Variants in RALGPS1 observed in about 807,000 individuals in gnomAD.
RALGPS1 encodes the protein Ral GEF with PH domain and SH3 binding motif 1.
Under a neutral mutation model 78.8 loss-of-function variants are expected in RALGPS1, and 19 were observed. The observed-to-expected ratio is 0.24, with a 90% CI of 0.17 to 0.35. The LOEUF (loss-of-function observed/expected upper bound fraction) is 0.35. RALGPS1 is among the 10% of genes least tolerant of loss of function. The probability of loss-of-function intolerance (pLI) is 1.00; values close to 1 mark genes in which losing one functional copy is unlikely to be tolerated. For synonymous variants in RALGPS1, 228 were observed against 256.3 expected (o/e 0.89, Z 1.06); for missense variants, 454 against 688.3 (o/e 0.66, Z 3.81).
rs1160703709 is a variant in RALGPS1 at position 127,091,691 on chromosome 9, T to C, written c.610+22335T>C. On this transcript the variant is annotated intron_variant, in intron 8 of 18. Transcript: ENST00000259351. This position sits in a 1 kb window ranked among gnomAD's most constrained non-coding sequence, Gnocchi z 4.3. ...CTACCTGTGTAGACATCATGATCTC[T>C]GTCCAGGGTGGTGAACTGCTTGCCG... 1 of 1,613,918 alleles carries C rather than the reference T, an allele frequency of 6.2e-7. No individual in the cohort carries two copies. The highest frequency in any genetic ancestry group is 2.2e-5 in the East Asian group (1 of 44,880).
At chr9:127,059,501 T>A (rs1183776682) in intron 7 of RALGPS1, among the ~76,000 whole-genome samples, 2 of 152,180 alleles carry the variant, frequency 1.3e-5, no homozygotes, top group Non-Finnish European at 2.9e-5. Flanking sequence ...AAAAATCTCT[T>A]TTCCCTTGGC....
Position 127,218,235 on chromosome 9 carries a change from C to A in RALGPS1, c.1645-505C>A, listed in dbSNP as rs992439900. ...CTAGGATCTTGTCCTGAGGGCAGAG[C>A]TGTGGGAAGGTCTTGGGGTTTCTGA... is the stretch of plus-strand genomic sequence containing the variant. On this transcript the variant is annotated intron_variant, in intron 18 of 18. Coordinates refer to ENST00000259351, the MANE Select transcript of RALGPS1 (RefSeq NM_014636.3). This position sits in a 1 kb window ranked among gnomAD's most constrained non-coding sequence, Gnocchi z 4.4. Among the ~76,000 whole-genome samples the A allele has an allele frequency of 6.6e-6, 1 of 152,276 alleles. No individual in the cohort carries two copies. The highest frequency in any genetic ancestry group is 2.4e-5 in the African/African-American group (1 of 41,558).
intron 4 of RALGPS1, among the ~76,000 whole-genome samples, chr9:127,025,309 C>G (rs2045874029): frequency 6.6e-6 from 1 of 152,110 alleles, no homozygotes; most frequent in African/African-American, 2.4e-5. Context: ...TGGTGGAAAT[C>G]CGGGTTGTTT....
chr9:127,092,920 G>A (rs2136460346), intron 8 of RALGPS1, among the ~76,000 whole-genome samples: 1 of 152,274 alleles, frequency 6.6e-6, no homozygotes, highest in South Asian at 2.1e-4. Context: ...CAGGTAGTTT[G>A]TGAGCTTCAG....
intron 4 of RALGPS1, among the ~76,000 whole-genome samples, chr9:126,995,182 ATTAACT>A (rs1386397459): frequency 6.6e-6 from 1 of 152,230 alleles, no homozygotes; most frequent in Non-Finnish European, 1.5e-5. Flanking sequence ...ACATAACAAT[ATTAACT>A]TTAAGTGTAA....
In RALGPS1 at chr9:127,110,926, C is replaced by T. The variant is rs577790955; in HGVS notation, c.610+41570C>T. Among the ~76,000 whole-genome samples the T allele has an allele frequency of 6.6e-5, 10 of 152,256 alleles. No homozygotes were observed. In the East Asian group the frequency reaches 1.9e-3, roughly 29 times the overall value. ...GCCCCAGCCTTGCCCATCCTACCTT[C>T]TGTCCTCAACTTCACAGCCAGAGTG... On this transcript the variant is annotated intron_variant, in intron 8 of 18. Coordinates refer to ENST00000259351, the MANE Select transcript of RALGPS1 (RefSeq NM_014636.3).
At chr9:126,989,936 C>T (rs937284380) in intron 4 of RALGPS1, 21 of 1,550,416 alleles carry the variant, frequency 1.4e-5, no homozygotes, top group African/African-American at 2.7e-5. Context: ...CAGAAGTCCA[C>T]AGTTTCCTCC....
chr9:127,063,678 ATATT>A (rs1452537577), intron 7 of RALGPS1, among the ~76,000 whole-genome samples: 1 of 152,026 alleles, frequency 6.6e-6, no homozygotes, highest in African/African-American at 2.4e-5. Flanking sequence ...GTTGAGTTGA[ATATT>A]TAGTTCATTT....
Position 127,070,536 on chromosome 9 carries a change from G to A in RALGPS1, c.610+1180G>A, listed in dbSNP as rs189913858. On this transcript the variant is annotated intron_variant, in intron 8 of 18. Transcript: ENST00000259351. The stretch of plus-strand genomic sequence containing the variant: ...GTCAATTTGTACTTTCATCAGAAGG[G>A]GATGAAATTGCCTGTTTCTCCCACA... 7.2e-5 allele frequency among the ~76,000 whole-genome samples: 11 copies of A among 152,146 alleles called. No individual in the cohort carries two copies. In the East Asian group the frequency reaches 1.9e-3, roughly 27 times the overall value.
chr9:127,121,744 G>A (rs1003446160), intron 8 of RALGPS1, among the ~76,000 whole-genome samples: 7 of 152,220 alleles, frequency 4.6e-5, no homozygotes, highest in African/African-American at 9.6e-5. Flanking sequence ...TGGGTGATGC[G>A]TCCGTTCCCG....
At chr9:127,185,386 C>T (rs1180744354) in intron 11 of RALGPS1, among the ~76,000 whole-genome samples, 2 of 152,236 alleles carry the variant, frequency 1.3e-5, no homozygotes, top group Admixed American at 6.5e-5. Context: ...CCCACCTGGA[C>T]ATCAGGCCCT....
At chr9:127,024,944 A>G (rs963197614) in intron 4 of RALGPS1, among the ~76,000 whole-genome samples, 3 of 152,128 alleles carry the variant, frequency 2.0e-5, no homozygotes, top group African/African-American at 2.4e-5. Context: ...AATTACATCC[A>G]GTAAAAATCA....
chr9:127,134,015 C>T (rs567764254), intron 8 of RALGPS1, among the ~76,000 whole-genome samples: 5 of 151,812 alleles, frequency 3.3e-5, no homozygotes, highest in African/African-American at 9.7e-5. Context: ...CTCCCCCCCC[C>T]GTGAATGCTG....
At chr9:127,210,608 G>T in intron 14 of RALGPS1, 1 of 992,240 alleles carries the variant, frequency 1.0e-6, no homozygotes, top group South Asian at 1.4e-5. Context: ...TGAGCTAATT[G>T]ACTATGTTGT....
chr9:127,080,978 G>C (rs1458124761), intron 8 of RALGPS1, among the ~76,000 whole-genome samples: 1 of 152,174 alleles, frequency 6.6e-6, no homozygotes, highest in African/African-American at 2.4e-5. Flanking sequence ...TAGTGCAGTG[G>C]GGAGCATCCT....
chr9:127,201,102 C>G (rs1214167894), intron 14 of RALGPS1, among the ~76,000 whole-genome samples: 1 of 152,178 alleles, frequency 6.6e-6, no homozygotes, highest in Non-Finnish European at 1.5e-5. Context: ...TTCCTTGTCC[C>G]AGGGAGATGA....
chr9:127,168,942 G>A lies in RALGPS1; in HGVS notation c.842+170G>A, dbSNP rs545085745. Among the ~76,000 whole-genome samples, 5 of 152,326 alleles carry A rather than the reference G, an allele frequency of 3.3e-5. No homozygotes were observed. In the South Asian group the frequency reaches 6.2e-4, roughly 19 times the overall value. On this transcript the variant is annotated intron_variant, in intron 10 of 18. Transcript: ENST00000259351. ...GGCCCCAGCACACACAAGCACACGC[G>A]TGCAGTGTGATCTTTGACCTCACAG...
intron 1 of RALGPS1, among the ~76,000 whole-genome samples, chr9:126,933,304 C>G (rs972216551): frequency 6.6e-6 from 1 of 152,098 alleles, no homozygotes; most frequent in Non-Finnish European, 1.5e-5. Context: ...CCTTAGGCCA[C>G]TAGTCTCAAC....
intron 8 of RALGPS1, among the ~76,000 whole-genome samples, chr9:127,118,304 AAC>A (rs1342354342): frequency 6.6e-6 from 1 of 152,222 alleles, no homozygotes; most frequent in African/African-American, 2.4e-5. Flanking sequence ...CATGTGAAAG[AAC>A]ACAGTTTTGT....
Sources: gnomAD v4.1 joint callset for allele counts (sites outside exome capture counted in the v4.1 genomes callset) on GRCh38, gnomAD v4.1.1 for gene constraint, Gnocchi (gnomAD v3.1) non-coding constraint, MANE v1.5 for transcripts, NCBI Gene and HGNC (gene_info 2026-07-23, HGNC 2026-07-21) for gene names.